The following ATP8A2 variants were observed in gnomAD, a reference collection of about 807,000 sequenced individuals.
ATP8A2 encodes phospholipid-transporting ATPase IB.
In ATP8A2, 100 loss-of-function variants were observed where a neutral mutation model predicts 165.6. The observed-to-expected ratio is 0.60, with a 90% CI of 0.51 to 0.71. The LOEUF is 0.71. Among genes scored for constraint, ATP8A2 ranks in the 30% least tolerant of loss-of-function variants. ATP8A2 has a pLI of 0.00. For missense variants in ATP8A2, 1,227 were observed against 1,479.5 expected (o/e 0.83, Z 2.80); for synonymous variants, 543 against 548.8 (o/e 0.99, Z 0.15).
At chr13:25,804,615 G>A (rs1195767140) in intron 27 of ATP8A2, among the ~76,000 whole-genome samples, 2 of 152,100 alleles carry the variant, frequency 1.3e-5, no homozygotes, top group Admixed American at 6.6e-5. Context: ...AAATATAGAA[G>A]TGTCTTTAAA....
At chr13:25,473,084 G>A (rs1194863601) in intron 2 of ATP8A2, among the ~76,000 whole-genome samples, 1 of 152,174 alleles carries the variant, frequency 6.6e-6, no homozygotes, top group African/African-American at 2.4e-5. Context: ...CAGGAGTGAG[G>A]TCCCCTCTGA....
At chr13:25,964,935 G>A (rs1179169067) in intron 34 of ATP8A2, among the ~76,000 whole-genome samples, 5 of 152,190 alleles carry the variant, frequency 3.3e-5, no homozygotes, top group East Asian at 1.9e-4. Context: ...CGAGGTGGGC[G>A]GATCATCTGG....
intron 35 of ATP8A2, among the ~76,000 whole-genome samples, chr13:26,000,430 G>A (rs1345750123): frequency 6.6e-6 from 1 of 152,094 alleles, no homozygotes; most frequent in Non-Finnish European, 1.5e-5. Context: ...ACAGAAATGT[G>A]GACACAAGAG....
intron 2 of ATP8A2, among the ~76,000 whole-genome samples, chr13:25,472,880 C>G (rs908220375): frequency 1.3e-5 from 2 of 152,196 alleles, no homozygotes; most frequent in African/African-American, 4.8e-5. Flanking sequence ...CCCTCTGGAT[C>G]ATAGCAGTTG....
chr13:25,502,078 CTGTT>C (rs2036871103), intron 2 of ATP8A2, among the ~76,000 whole-genome samples: 1 of 152,210 alleles, frequency 6.6e-6, no homozygotes, highest in Admixed American at 6.5e-5. Context: ...CTTCCTAACT[CTGTT>C]AGTTAGAAAG....
chr13:25,568,491 T>C (rs1267245119), intron 16 of ATP8A2, among the ~76,000 whole-genome samples: 1 of 152,188 alleles, frequency 6.6e-6, no homozygotes, highest in African/African-American at 2.4e-5. Flanking sequence ...ATTTTGTACA[T>C]ATTATAAGCT....
chr13:25,829,613 A>G (rs1047637595), intron 28 of ATP8A2, among the ~76,000 whole-genome samples: 5 of 140,514 alleles, frequency 3.6e-5, no homozygotes, highest in Admixed American at 7.3e-5. Flanking sequence ...CCTATTTTAG[A>G]AACAAAATGC....
intron 2 of ATP8A2, among the ~76,000 whole-genome samples, chr13:25,486,223 G>C (rs954295707): frequency 6.6e-6 from 1 of 152,130 alleles, no homozygotes; most frequent in Non-Finnish European, 1.5e-5. Flanking sequence ...CATGTGTCAT[G>C]CACTTAAGTA....
intron 25 of ATP8A2, among the ~76,000 whole-genome samples, chr13:25,744,330 C>CCCCCCCCCCCG (rs1566097592): frequency 6.6e-6 from 1 of 151,932 alleles, no homozygotes; most frequent in African/African-American, 2.4e-5. Context: ...TCACCACCCC[C>CCCCCCCCCCCG]CCGTGTGTAT....
intron 30 of ATP8A2, among the ~76,000 whole-genome samples, chr13:25,840,885 G>A (rs186460403): frequency 6.6e-6 from 1 of 152,278 alleles, no homozygotes; most frequent in East Asian, 1.9e-4. Flanking sequence ...CCAGGCTTTG[G>A]TACTTAAGAA....
At chr13:25,643,408 C>A (rs994145648) in intron 24 of ATP8A2, among the ~76,000 whole-genome samples, 5 of 152,046 alleles carry the variant, frequency 3.3e-5, no homozygotes, top group Non-Finnish European at 7.4e-5. Context: ...TGTGAACATT[C>A]TTGTATATAA....
Position 25,860,954 on chromosome 13 carries a change from T to C in ATP8A2, c.3075+94T>C, listed in dbSNP as rs545356102. On this transcript the variant is annotated intron_variant, in intron 32 of 36. Transcript: ENST00000381655. ...CCTTGGGGAAACCATAAGCAATATC[T>C]GGCTATCTTCTTTCAGATTTTCTGT... 2.2e-4 allele frequency: 185 copies of C among 836,154 alleles called. 1 individual carries two copies. The South Asian group carries it at 2.8e-3, about 13-fold the overall frequency. The allele number at this position is 836,154 out of a possible 1,614,324, so 51.8% of individuals were successfully genotyped here.
At chr13:25,400,304 A>G (rs1459748792) in intron 1 of ATP8A2, among the ~76,000 whole-genome samples, 2 of 152,176 alleles carry the variant, frequency 1.3e-5, no homozygotes, top group African/African-American at 2.4e-5. Flanking sequence ...CAAATGCCAA[A>G]TCTTTGTTTC....
chr13:25,979,674 C>T (rs985569247), intron 35 of ATP8A2, among the ~76,000 whole-genome samples: 9 of 152,100 alleles, frequency 5.9e-5, no homozygotes, highest in African/African-American at 1.4e-4. Flanking sequence ...TTATTAAAAA[C>T]GGAGGAAGTG....
At chr13:25,424,489 A>G (rs1444272510) in intron 1 of ATP8A2, among the ~76,000 whole-genome samples, 1 of 152,062 alleles carries the variant, frequency 6.6e-6, no homozygotes, top group African/African-American at 2.4e-5. Flanking sequence ...CTCTGCAGGG[A>G]CCTCTGAGCA....
At chr13:25,612,688 T>G (rs1033587679) in intron 24 of ATP8A2, among the ~76,000 whole-genome samples, 1 of 152,194 alleles carries the variant, frequency 6.6e-6, no homozygotes, top group Non-Finnish European at 1.5e-5. Context: ...ATTGTTTCTT[T>G]GTTGAATTTC....
chr13:25,603,951 T>C (rs778465930), intron 24 of ATP8A2, among the ~76,000 whole-genome samples: 25 of 152,148 alleles, frequency 1.6e-4, no homozygotes, highest in Non-Finnish European at 3.2e-4. Context: ...AGTAATAGTC[T>C]GTGTAGTGTT....
At chr13:25,971,001 G>T (rs1184477754) in intron 35 of ATP8A2, among the ~76,000 whole-genome samples, 5 of 151,790 alleles carry the variant, frequency 3.3e-5, no homozygotes, top group Non-Finnish European at 5.9e-5. Flanking sequence ...CATATGATGG[G>T]GTGTGTGTGT....
chr13:25,798,324 A>C (rs1950538901), intron 27 of ATP8A2, among the ~76,000 whole-genome samples: 1 of 152,214 alleles, frequency 6.6e-6, no homozygotes, highest in African/African-American at 2.4e-5. Flanking sequence ...TTATTTGTGA[A>C]AAGTGTCATC....
Sources: allele counts gnomAD v4.1 joint callset (sites outside exome capture counted in the v4.1 genomes callset), GRCh38; gene constraint gnomAD v4.1.1; transcripts MANE v1.5; gene names NCBI Gene and HGNC (gene_info 2026-07-23, HGNC 2026-07-21).